PPFIBP2: variants seen among roughly 807,000 people sequenced by gnomAD.
PPFIBP2 encodes liprin-beta-2.
Under a neutral mutation model 118.3 loss-of-function variants are expected in PPFIBP2, and 118 were observed. That is an observed-to-expected ratio of 1.00 (90% CI 0.86 to 1.16). The LOEUF (loss-of-function observed/expected upper bound fraction) is 1.16, where lower values mean the gene tolerates loss of function less well. Among genes scored for constraint, PPFIBP2 ranks in the 50% most tolerant of loss-of-function variants. The pLI is 0.00. For synonymous variants in PPFIBP2, 414 were observed against 397.4 expected (o/e 1.04, Z -0.50); for missense variants, 1,195 against 1,073.1 (o/e 1.11, Z -1.59).
intron 1 of PPFIBP2, among the ~76,000 whole-genome samples, chr11:7,538,711 G>A (rs1276096086): frequency 1.4e-5 from 2 of 146,282 alleles, no homozygotes; most frequent in African/African-American, 2.6e-5. Flanking sequence ...TCGCCTGACA[G>A]GGAGTGGCTG....
chr11:7,656,502 G>A (rs561295476), downstream of PPFIBP2, among the ~76,000 whole-genome samples: 352 of 152,282 alleles, frequency 2.3e-3, no homozygotes, highest in South Asian at 7.7e-3. Flanking sequence ...GCCTTTGGTG[G>A]CCTGAAAATA....
At chr11:7,562,045 G>A (rs919600610) in intron 2 of PPFIBP2, among the ~76,000 whole-genome samples, 5 of 152,332 alleles carry the variant, frequency 3.3e-5, no homozygotes, top group African/African-American at 1.2e-4. Flanking sequence ...CTGATAAGGA[G>A]TGAGCAACCT....
chr11:7,542,510 C>A (rs1851902419), intron 1 of PPFIBP2, among the ~76,000 whole-genome samples: 1 of 152,194 alleles, frequency 6.6e-6, no homozygotes, highest in South Asian at 2.1e-4. Flanking sequence ...CATTGTTCTT[C>A]CTCAGATGCA....
At chr11:7,546,316 A>G (rs1055470765) in intron 1 of PPFIBP2, among the ~76,000 whole-genome samples, 3 of 152,226 alleles carry the variant, frequency 2.0e-5, no homozygotes, top group African/African-American at 7.2e-5. Flanking sequence ...TAGGCTGGCA[A>G]AAAGAGTCAT....
intron 3 of PPFIBP2, among the ~76,000 whole-genome samples, chr11:7,579,279 C>T (rs1459057529): frequency 1.3e-5 from 2 of 152,142 alleles, no homozygotes; most frequent in Non-Finnish European, 2.9e-5. Flanking sequence ...CTCTATCTCC[C>T]AGTCTAGTTC....
At chr11:7,525,227 T>G (rs996546573) in intron 1 of PPFIBP2, among the ~76,000 whole-genome samples, 2 of 152,176 alleles carry the variant, frequency 1.3e-5, no homozygotes, top group Admixed American at 1.3e-4. Context: ...TTAAAATAGC[T>G]CTACACCAAT....
chr11:7,625,179 A>G (rs12294940), intron 7 of PPFIBP2, among the ~76,000 whole-genome samples: 2,570 of 152,228 alleles, frequency 0.017, 73 homozygotes, highest in African/African-American at 0.059. Flanking sequence ...ATGCTTGTAC[A>G]TCTGTATATG....
At chr11:7,583,482 G>A (rs538891310) in intron 3 of PPFIBP2, among the ~76,000 whole-genome samples, 2 of 152,254 alleles carry the variant, frequency 1.3e-5, no homozygotes, top group South Asian at 2.1e-4. Context: ...ATTGGAGTTG[G>A]CAAGGTGAGG....
In PPFIBP2 at chr11:7,549,480, C is replaced by T. The variant is rs1564961585; in HGVS notation, c.5C>T (p.Ala2Val). 6.4e-7 allele frequency: 1 copy of T among 1,560,618 alleles called. No individual in the cohort carries two copies. The highest frequency in any genetic ancestry group is 1.2e-5 in the South Asian group (1 of 84,408). M[A>V]SDASHALEAA... ...GCCAGGCAGGCAAAAGGAGTCATGG[C>T]TTCTGATGCTAGTCATGCGCTGGAA... The change falls in exon 2 of 24, where the codon GCT (alanine) becomes GTT (valine). Residue 2 changes from alanine to valine, a missense_variant. Transcript: ENST00000299492.
intron 4 of PPFIBP2, among the ~76,000 whole-genome samples, chr11:7,596,395 T>G (rs1305284556): frequency 4.0e-5 from 6 of 151,852 alleles, no homozygotes; most frequent in South Asian, 2.1e-4. Flanking sequence ...TCTTGTTTTT[T>G]TTTTTTTTTT....
intron 17 of PPFIBP2, among the ~76,000 whole-genome samples, chr11:7,643,247 GA>G (rs1372707171): frequency 5.9e-5 from 9 of 151,844 alleles, no homozygotes; most frequent in African/African-American, 1.7e-4. Flanking sequence ...TATCTGAGCT[GA>G]AAAAAAATCA....
At chr11:7,540,370 A>AT (rs1245268638) in intron 1 of PPFIBP2, among the ~76,000 whole-genome samples, 1 of 151,958 alleles carries the variant, frequency 6.6e-6, no homozygotes, top group Non-Finnish European at 1.5e-5. Context: ...GAGGGAGGAG[A>AT]TTTTACCGGA....
At chr11:7,588,227 G>T (rs1858567893) in intron 3 of PPFIBP2, among the ~76,000 whole-genome samples, 1 of 152,110 alleles carries the variant, frequency 6.6e-6, no homozygotes, top group Non-Finnish European at 1.5e-5. Context: ...TTTAGGTTAG[G>T]CTAGTATCAT....
At chr11:7,631,352 C>T in intron 11 of PPFIBP2, 1 of 230,818 alleles carries the variant, frequency 4.3e-6, no homozygotes, top group Non-Finnish European at 8.7e-6. Context: ...GATTTATCTA[C>T]CACCCTTTCT....
chr11:7,557,573 C>T (rs10839807), intron 2 of PPFIBP2, among the ~76,000 whole-genome samples: 77,447 of 149,900 alleles, frequency 0.52, 21,750 homozygotes, highest in African/African-American at 0.75. Flanking sequence ...CTCACTGAAA[C>T]CTCCATCTCC....
rs777236480 is a variant in PPFIBP2, at chr11:7,639,707, C to T, written c.1237-25C>T. The stretch of plus-strand genomic sequence containing the variant: ...GAGGCTGACAGTTAAGTCGGTATCT[C>T]TCTCTTTCTCTCACCTTCCAATAGG... On this transcript the variant is annotated intron_variant, in intron 14 of 23. Coordinates refer to ENST00000299492, the MANE Select transcript of PPFIBP2 (RefSeq NM_003621.5). 8.1e-6 allele frequency: 13 copies of T among 1,613,674 alleles called. No individual in the cohort carries two copies. In the South Asian group the frequency reaches 1.4e-4, roughly 18 times the overall value.
rs200612161 is a variant in PPFIBP2 at position 7,565,750 on chromosome 11, T to A, written c.262T>A (p.Trp88Arg). Residue 88 changes from tryptophan (W) to arginine (R), a missense_variant, in exon 3 of 24, where the codon TGG becomes AGG. Trp to Arg is a moderately radical substitution (Grantham distance 101). Transcript: ENST00000299492. ...CCCAACAGCTGCCTACATAAAGGAA[T>A]GGTTTGAAGAGAGCTTGGTGAGTAG... ...PGPTAAYIKE[W>R]FEESLSQVNH... 7.4e-6 allele frequency: 12 copies of A among 1,614,090 alleles called. No individual in the cohort carries two copies. In the Admixed American group the frequency reaches 1.8e-4, roughly 25 times the overall value.
downstream of PPFIBP2, among the ~76,000 whole-genome samples, chr11:7,658,425 C>T (rs1565142406): frequency 9.8e-6 from 1 of 101,578 alleles, no homozygotes; most frequent in Non-Finnish European, 1.9e-5. Flanking sequence ...CGATAGTTTA[C>T]TGAGAATGAT....
chr11:7,544,407 A>G (rs1852104125), intron 1 of PPFIBP2, among the ~76,000 whole-genome samples: 1 of 152,054 alleles, frequency 6.6e-6, no homozygotes, highest in South Asian at 2.1e-4. Flanking sequence ...CCCATGGCAC[A>G]TTGTTGATTC....
Sources: gnomAD v4.1 joint callset for allele counts (sites outside exome capture counted in the v4.1 genomes callset) on GRCh38, gnomAD v4.1.1 for gene constraint, MANE v1.5 for transcripts, NCBI Gene and HGNC (gene_info 2026-07-23, HGNC 2026-07-21) for gene names.